Variants in MRPS17 observed in about 807,000 individuals in gnomAD.
MRPS17 encodes small ribosomal subunit protein uS17m.
MRPS17 carries 6 observed loss-of-function variants against 11.3 expected under a neutral mutation model. The observed-to-expected ratio is 0.53, with a 90% CI of 0.29 to 1.05. The LOEUF is 1.05. Among genes scored for constraint, MRPS17 ranks in the 50% least tolerant of loss-of-function variants. MRPS17 has a pLI of 0.08. For missense variants in MRPS17, 139 were observed against 153.6 expected, an observed-to-expected ratio of 0.90 and a Z score of 0.50; for synonymous variants, 56 against 60.4, an observed-to-expected ratio of 0.93 and a Z score of 0.34.
At chr7:55,953,511 T>C (rs1786679555) in intron 2 of MRPS17, among the ~76,000 whole-genome samples, 193 bp downstream of exon 2, 1 of 152,304 alleles carries the variant, frequency 6.6e-6, no homozygotes, top group East Asian at 1.9e-4. Context: ...CCACTCTAAC[T>C]GCTGTAGTCA....
chr7:55,956,334 G>C lies in MRPS17; in HGVS notation c.*1156G>C, dbSNP rs1786726953. 6.6e-6 allele frequency: 1 copy of C among 151,994 alleles called. No homozygotes were observed. 9.4% of individuals were successfully genotyped at this position (151,994 alleles called of 1,614,324 possible). A position where few individuals can be genotyped will look rare whatever the true frequency, so the allele number is the denominator to read the frequency against. On this transcript the variant is annotated 3_prime_UTR_variant, in exon 3 of 3. Coordinates refer to ENST00000285298, the MANE Select transcript of MRPS17 (RefSeq NM_015969.3). Reference sequence around the variant, plus strand: ...GGGTTTCTCCATGTTTGTCAGGCTAGTCTTGAACTCCGGACCTCAGGTGAT... The same window carrying C: ...GGGTTTCTCCATGTTTGTCAGGCTACTCTTGAACTCCGGACCTCAGGTGAT...
intron 1 of MRPS17, 115 bp from the exon 2 acceptor site, chr7:55,953,064 A>AG: frequency 9.0e-7 from 1 of 1,110,324 alleles, no homozygotes; most frequent in Non-Finnish European, 1.3e-6. Flanking sequence ...TTCTGGGTGG[A>AG]GGGGGGAACG....
At chr7:55,954,799 C>A in intron 2 of MRPS17, 110 bp from the exon 3 acceptor site, 2 of 1,346,628 alleles carry the variant, frequency 1.5e-6, no homozygotes, top group South Asian at 2.8e-5. Context: ...AGTATCTTAT[C>A]TTTTCCTAAG....
At position 55,955,113 on chromosome 7, in the gene MRPS17, T is replaced by C. The variant is rs753592914; in HGVS notation, c.328T>C (p.Leu110=). ...CAGTTYLESP[L]SSETTQLSKN... ...TGGAACTACCTACCTGGAGAGTCCGTTGAGTTCGGAAACCACCCAGCTAAG... is the reference window on the plus strand; with the variant it reads ...TGGAACTACCTACCTGGAGAGTCCGCTGAGTTCGGAAACCACCCAGCTAAG... The change falls in exon 3 of 3, where the codon TTG becomes CTG. Residue 110 remains leucine, a synonymous_variant. Transcript: ENST00000285298. The C allele has an allele frequency of 6.2e-7, 1 of 1,614,150 alleles. No individual in the cohort carries two copies. The highest frequency in any genetic ancestry group is 1.1e-5 in the South Asian group (1 of 91,084).
intron 2 of MRPS17, 91 bp downstream of exon 2, chr7:55,953,409 T>C: frequency 6.5e-7 from 1 of 1,541,220 alleles, no homozygotes; most frequent in Non-Finnish European, 8.8e-7. Context: ...TCAGTAAAGA[T>C]GTCTTGTCTC....
At position 55,955,030 on chromosome 7, in the gene MRPS17, C is replaced by T. The variant is rs756797775; in HGVS notation, c.245C>T (p.Ala82Val). 1.2e-6 allele frequency: 2 copies of T among 1,614,132 alleles called. No individual in the cohort carries two copies. The highest frequency in any genetic ancestry group is 3.3e-5 in the Admixed American group (2 of 59,988). Reference sequence around the variant, plus strand: ...GCAAAGCATGTGAAACATGAACTGGCTGAGATCGTTTTCAAAGTTGGAAAA... The same window carrying T: ...GCAAAGCATGTGAAACATGAACTGGTTGAGATCGTTTTCAAAGTTGGAAAA... ...PRAKHVKHELAEIVFKVGKVI... is the reference protein window; with the variant it reads ...PRAKHVKHELVEIVFKVGKVI... Residue 82 changes from alanine to valine, a missense_variant, in exon 3 of 3, where the codon GCT becomes GTT. Physicochemically the swap from Ala to Val is moderately conservative, Grantham distance 64. Coordinates refer to ENST00000285298, the MANE Select transcript of MRPS17 (RefSeq NM_015969.3).
Position 55,955,694 on chromosome 7 carries a change from G to A in MRPS17, c.*516G>A, listed in dbSNP as rs1231201178. The A allele has an allele frequency of 6.4e-6, 1 of 155,084 alleles. No homozygotes were observed. The highest frequency in any genetic ancestry group is 1.4e-5 in the Non-Finnish European group (1 of 70,758). 9.6% of individuals were successfully genotyped at this position (155,084 alleles called of 1,614,324 possible). A position where few individuals can be genotyped will look rare whatever the true frequency, so the allele number is the denominator to read the frequency against. Reference sequence around the variant, plus strand: ...GATCTCCTGACCTCGTGATCTGCCTGCCTTGGCCTCTCAGAGTGCTGGGAT... The same window carrying A: ...GATCTCCTGACCTCGTGATCTGCCTACCTTGGCCTCTCAGAGTGCTGGGAT... On this transcript the variant is annotated 3_prime_UTR_variant, in exon 3 of 3. Coordinates refer to ENST00000285298, the MANE Select transcript of MRPS17 (RefSeq NM_015969.3).
chr7:55,954,466 G>T (rs192157764), intron 2 of MRPS17, among the ~76,000 whole-genome samples: 89 of 152,270 alleles, frequency 5.8e-4, no homozygotes, highest in African/African-American at 2.1e-3. Context: ...GGTGGCTCAT[G>T]CCTGTAATCC....
intron 2 of MRPS17, 147 bp downstream of exon 2, chr7:55,953,465 C>A: frequency 2.7e-6 from 3 of 1,095,816 alleles, no homozygotes; most frequent in Non-Finnish European, 3.9e-6. Context: ...AGGTATAACA[C>A]GGTTTACACA....
In MRPS17 at chr7:55,955,111, C is replaced by G. The variant is rs550097910; in HGVS notation, c.326C>G (p.Pro109Arg). 3.1e-6 allele frequency: 5 copies of G among 1,614,112 alleles called. No homozygotes were observed. In the South Asian group the frequency reaches 4.4e-5, roughly 14 times the overall value. ...GCTGGAACTACCTACCTGGAGAGTCCGTTGAGTTCGGAAACCACCCAGCTA... is the reference window on the plus strand; with the variant it reads ...GCTGGAACTACCTACCTGGAGAGTCGGTTGAGTTCGGAAACCACCCAGCTA... ...PCAGTTYLESPLSSETTQLSK... is the reference protein window; with the variant it reads ...PCAGTTYLESRLSSETTQLSK... Residue 109 changes from proline to arginine, a missense_variant, in exon 3 of 3, where the codon CCG becomes CGG. Transcript: ENST00000285298.
rs138270247 is a variant in MRPS17, at chr7:55,953,235, G to T, written c.40G>T (p.Val14Leu). The change falls in exon 2 of 3, where the codon GTG becomes TTG. Residue 14 changes from valine to leucine, a missense_variant. By Grantham distance (32) the Val-to-Leu change is conservative. Coordinates refer to ENST00000285298, the MANE Select transcript of MRPS17 (RefSeq NM_015969.3). The part of the protein sequence containing the change: ...VRSSVHARWI[V>L]GKVIGTKMQK... ...CTCATCCGTCCATGCCAGATGGATTGTGGGGAAGGTGATTGGGACAAAAAT... is the reference window on the plus strand; with the variant it reads ...CTCATCCGTCCATGCCAGATGGATTTTGGGGAAGGTGATTGGGACAAAAAT... 1.1e-5 allele frequency: 18 copies of T among 1,614,056 alleles called. No individual in the cohort carries two copies. The highest frequency in any genetic ancestry group is 1.4e-5 in the Non-Finnish European group (17 of 1,180,052).
chr7:55,953,384 A>G, intron 2 of MRPS17, 66 bp downstream of exon 2: 1 of 1,582,400 alleles, frequency 6.3e-7, no homozygotes, highest in Non-Finnish European at 8.6e-7. Flanking sequence ...TCCTAAGCAA[A>G]AAAACATTTA....
In MRPS17 at chr7:55,955,030, C is replaced by G. The variant is rs756797775; in HGVS notation, c.245C>G (p.Ala82Gly). ...PRAKHVKHELAEIVFKVGKVI... is the reference protein window; with the variant it reads ...PRAKHVKHELGEIVFKVGKVI... The stretch of plus-strand genomic sequence containing the variant: ...GCAAAGCATGTGAAACATGAACTGG[C>G]TGAGATCGTTTTCAAAGTTGGAAAA... Residue 82 changes from alanine to glycine, a missense_variant, in exon 3 of 3, where the codon GCT (alanine) becomes GGT (glycine). Physicochemically the swap from Ala to Gly is moderately conservative, Grantham distance 60. Transcript: ENST00000285298. 18 of 1,614,014 alleles carry G rather than the reference C, an allele frequency of 1.1e-5. No individual in the cohort carries two copies. In the Middle Eastern group the frequency reaches 4.9e-4, roughly 44 times the overall value.
rs1786713059 is a variant in MRPS17, at chr7:55,955,415, G to A, written c.*237G>A. ...CACGTTACATTAAGTGTGCCTAGCA[G>A]TCTGTTGCATTTTGTAAGCTCACAG... On this transcript the variant is annotated 3_prime_UTR_variant, in exon 3 of 3. Transcript: ENST00000285298. The A allele has an allele frequency of 4.0e-6, 2 of 502,020 alleles. No homozygotes were observed. Among genetic ancestry groups the A allele is most frequent in the Non-Finnish European group, 7.0e-6 (2 of 284,504 alleles). The allele number at this position is 502,020 out of a possible 1,614,324, so 31.1% of individuals were successfully genotyped here.
In MRPS17 at chr7:55,952,927, G is replaced by C. The variant is rs573131515; in HGVS notation, c.-17-252G>C. The stretch of plus-strand genomic sequence containing the variant: ...GGCGCCTGTAGTCCCAGCTGCTCGG[G>C]AGGCTGAGGCAGGAGAATGGCGTGA... On this transcript the variant is annotated intron_variant, in intron 1 of 2. Transcript: ENST00000285298. 6.6e-5 allele frequency among the ~76,000 whole-genome samples: 10 copies of C among 152,052 alleles called. 1 individual carries two copies. The South Asian group carries it at 2.1e-3, about 32-fold the overall frequency.
In MRPS17 at chr7:55,955,153, A is replaced by G; in HGVS notation, c.368A>G (p.Glu123Gly). 4.3e-6 allele frequency: 7 copies of G among 1,614,214 alleles called. No individual in the cohort carries two copies. Among genetic ancestry groups the G allele is most frequent in the Non-Finnish European group, 5.9e-6 (7 of 1,180,052 alleles). The part of the protein sequence containing the change: ...ETTQLSKNLE[E>G]LNISSAQ ...ACCCAGCTAAGCAAAAATCTGGAAG[A>G]ACTCAATATCTCTTCAGCACAGTGA... The change falls in exon 3 of 3, where the codon GAA becomes GGA. Residue 123 changes from glutamate to glycine, a missense_variant. Coordinates refer to ENST00000285298, the MANE Select transcript of MRPS17 (RefSeq NM_015969.3).
chr7:55,953,060 G>A, intron 1 of MRPS17, 119 bp from the exon 2 acceptor site: 1 of 1,108,248 alleles, frequency 9.0e-7, no homozygotes, highest in East Asian at 2.4e-5. Context: ...CTGTTTCTGG[G>A]TGGAGGGGGG....
At position 55,955,196 on chromosome 7, in the gene MRPS17, G is replaced by C; in HGVS notation, c.*18G>C. On this transcript the variant is annotated 3_prime_UTR_variant, in exon 3 of 3. Coordinates refer to ENST00000285298, the MANE Select transcript of MRPS17 (RefSeq NM_015969.3). ...CACAGTGAAGCGGGAGTGGAAGAAG[G>C]ATCTAAAGGGAAAAACTGACATGTT... 1 of 1,599,370 alleles carries C rather than the reference G, an allele frequency of 6.3e-7. No homozygotes were observed.
At chr7:55,954,194 A>G (rs1392046987) in intron 2 of MRPS17, among the ~76,000 whole-genome samples, 1 of 152,214 alleles carries the variant, frequency 6.6e-6, no homozygotes, top group African/African-American at 2.4e-5. Flanking sequence ...TGCTGTGCCC[A>G]GGGGACGGAT....
Sources: allele counts gnomAD v4.1 joint callset (sites outside exome capture counted in the v4.1 genomes callset), GRCh38; gene constraint gnomAD v4.1.1; transcripts MANE v1.5; gene names NCBI Gene and HGNC (gene_info 2026-07-23, HGNC 2026-07-21).